Variants in LOC131768270 observed in about 807,000 individuals in gnomAD.
chr5:140,567,774 C>T, the LOC131768270 span: 18 of 1,613,924 alleles, frequency 1.1e-5, no homozygotes, highest in South Asian at 2.2e-5. Flanking sequence ...TCAGGCTTGT[C>T]GTCAGTGTAC....
the LOC131768270 span, chr5:140,567,876 A>G: frequency 6.2e-7 from 1 of 1,614,218 alleles, no homozygotes; most frequent in Non-Finnish European, 8.5e-7. Context: ...CTAGGTCTGC[A>G]TGCTGGCGGC....
At chr5:140,568,569 C>A in the LOC131768270 span, 1 of 252,656 alleles carries the variant, frequency 4.0e-6, no homozygotes, top group Non-Finnish European at 8.4e-6. Context: ...CTGGCTAGTC[C>A]AGCCCAGCCA....
the LOC131768270 span, chr5:140,567,709 G>C: frequency 6.2e-7 from 1 of 1,614,104 alleles, no homozygotes; most frequent in Non-Finnish European, 8.5e-7. Context: ...CCAGCCCCAT[G>C]CCCCTGCATA....
At chr5:140,568,301 G>A in the LOC131768270 span, 7 of 1,226,446 alleles carry the variant, frequency 5.7e-6, no homozygotes, top group Admixed American at 1.4e-4. Flanking sequence ...ATTCTCTGGA[G>A]GTTGGTGGAT....
At chr5:140,567,531 T>C in the LOC131768270 span, 1 of 1,614,166 alleles carries the variant, frequency 6.2e-7, no homozygotes, top group East Asian at 2.2e-5. Flanking sequence ...CTGAGTAATC[T>C]CAAGATTGGA....
the LOC131768270 span, chr5:140,567,818 C>G: frequency 1.2e-6 from 2 of 1,614,112 alleles, no homozygotes; most frequent in Non-Finnish European, 1.7e-6. Flanking sequence ...GCGGCTGCCC[C>G]TGGCACTTCA....
the LOC131768270 span, chr5:140,567,483 A>G: frequency 4.3e-6 from 7 of 1,614,132 alleles, no homozygotes; most frequent in South Asian, 1.1e-5. Context: ...CTGGTGATCT[A>G]TCTTCAGCGT....
chr5:140,568,324 C>T, the LOC131768270 span: 1 of 951,912 alleles, frequency 1.1e-6, no homozygotes, highest in African/African-American at 1.7e-5. Flanking sequence ...AGGGGTACCC[C>T]TAGGAGATGT....
chr5:140,567,823 A>T, the LOC131768270 span: 3 of 1,613,966 alleles, frequency 1.9e-6, no homozygotes, highest in African/African-American at 4.0e-5. Context: ...TGCCCCTGGC[A>T]CTTCAGAACC....
chr5:140,567,406 G>A, the LOC131768270 span: 1 of 1,614,012 alleles, frequency 6.2e-7, no homozygotes, highest in Non-Finnish European at 8.5e-7. Context: ...GGCCCCAGGG[G>A]CCCCCACCCT....
the LOC131768270 span, chr5:140,568,328 G>A: frequency 1.1e-6 from 1 of 901,486 alleles, no homozygotes; most frequent in Non-Finnish European, 1.7e-6. Flanking sequence ...GTACCCCTAG[G>A]AGATGTGAAG....
At chr5:140,567,881 G>T in the LOC131768270 span, 3 of 1,614,222 alleles carry the variant, frequency 1.9e-6, no homozygotes, top group African/African-American at 4.0e-5. Flanking sequence ...TCTGCATGCT[G>T]GCGGCGGCTC....
At chr5:140,568,098 C>G in the LOC131768270 span, 1 of 1,613,920 alleles carries the variant, frequency 6.2e-7, no homozygotes, top group Non-Finnish European at 8.5e-7. Flanking sequence ...TTCCTGGCCA[C>G]ATTGCTCATT....
the LOC131768270 span, chr5:140,567,711 C>T: frequency 6.2e-7 from 1 of 1,614,066 alleles, no homozygotes; most frequent in Non-Finnish European, 8.5e-7. Flanking sequence ...AGCCCCATGC[C>T]CCTGCATATC....
At chr5:140,565,636 G>C in the LOC131768270 span, 1 of 320,054 alleles carries the variant, frequency 3.1e-6, no homozygotes, top group Non-Finnish European at 5.6e-6. Context: ...TAAAATTCTT[G>C]TCAAGGTTGA....
At chr5:140,567,658 T>C in the LOC131768270 span, 20 of 1,613,976 alleles carry the variant, frequency 1.2e-5, no homozygotes, top group Admixed American at 2.7e-4. Flanking sequence ...GCCTTCAAGT[T>C]CCCGGGAACA....
chr5:140,567,501 A>T, the LOC131768270 span: 1 of 1,614,128 alleles, frequency 6.2e-7, no homozygotes, highest in Non-Finnish European at 8.5e-7. Flanking sequence ...CGTTACATGG[A>T]CCCCAGCACC....
chr5:140,566,607 G>T, the LOC131768270 span: 1 of 435,206 alleles, frequency 2.3e-6, no homozygotes, highest in East Asian at 3.4e-5. Context: ...GGGATTCCTG[G>T]CTGGCTATGT....
chr5:140,565,017 T>C, the LOC131768270 span: 8 of 398,454 alleles, frequency 2.0e-5, no homozygotes, highest in Non-Finnish European at 3.1e-5. Flanking sequence ...TGGAGTGGTG[T>C]GGGGAGAGCA....
Sources: gnomAD v4.1 joint callset for allele counts on GRCh38, gnomAD v4.1.1 for gene constraint, MANE v1.5 for transcripts.